TLN2: variants seen among roughly 807,000 people sequenced by gnomAD.
The protein encoded by TLN2 is talin 2.
A neutral mutation model predicts 294.7 loss-of-function variants in TLN2; 118 were observed. The ratio of observed to expected loss-of-function variants is 0.40; its 90% CI spans 0.34 to 0.47. The LOEUF (loss-of-function observed/expected upper bound fraction) is 0.47. Among genes scored for constraint, TLN2 ranks in the 20% least tolerant of loss-of-function variants. The pLI, the probability that TLN2 is intolerant of heterozygous loss-of-function variation, is 0.84. For synonymous variants in TLN2, 1,431 were observed against 1,304.5 expected, an observed-to-expected ratio of 1.10 and a Z score of -2.09; for missense variants, 3,083 against 3,282.2, an observed-to-expected ratio of 0.94 and a Z score of 1.48.
At chr15:62,408,827 C>T (rs909942283) in intron 1 of TLN2, among the ~76,000 whole-genome samples, 2 of 151,608 alleles carry the variant, frequency 1.3e-5, no homozygotes, top group African/African-American at 4.8e-5. Context: ...TCTTCTTTTT[C>T]TTTTTTTTAA....
chr15:62,790,137 A>G (rs1480905215), intron 45 of TLN2, among the ~76,000 whole-genome samples: 1 of 152,244 alleles, frequency 6.6e-6, no homozygotes, highest in African/African-American at 2.4e-5. Flanking sequence ...ACCAAAGCAA[A>G]ACACAGAAAT....
At chr15:62,777,749 C>G (rs2063823079) in intron 43 of TLN2, among the ~76,000 whole-genome samples, 1 of 152,162 alleles carries the variant, frequency 6.6e-6, no homozygotes, top group Non-Finnish European at 1.5e-5. Context: ...ATAGTAAACT[C>G]TTGTAGGCTA....
At position 62,546,202 on chromosome 15, in the gene TLN2, C is replaced by G. The variant is rs117435264; in HGVS notation, c.-237-43485C>G. On this transcript the variant is annotated intron_variant, in intron 1 of 58. Coordinates refer to ENST00000636159, the MANE Select transcript of TLN2 (RefSeq NM_015059.3). The stretch of plus-strand genomic sequence containing the variant: ...ACCTCTGACGGGGGCTCTTTCCTGA[C>G]CTGTTGGTGACAGAAGGAGTTGCTG... 1.6e-3 allele frequency among the ~76,000 whole-genome samples: 248 copies of G among 152,280 alleles called. 4 individuals are homozygous for G. In the East Asian group the frequency reaches 0.025, roughly 15 times the overall value.
intron 19 of TLN2, among the ~76,000 whole-genome samples, chr15:62,703,662 G>C (rs549916445): frequency 1.3e-5 from 2 of 151,862 alleles, no homozygotes; most frequent in African/African-American, 4.8e-5. Context: ...GAGAAAGAGA[G>C]AGAGAATTTC....
At chr15:62,577,671 G>C (rs1266907866) in intron 1 of TLN2, among the ~76,000 whole-genome samples, 1 of 151,978 alleles carries the variant, frequency 6.6e-6, no homozygotes, top group African/African-American at 2.4e-5. Context: ...TGTTTTCTTT[G>C]TTTTGTATAT....
chr15:62,492,670 G>A (rs1056920581), intron 1 of TLN2, among the ~76,000 whole-genome samples: 17 of 150,702 alleles, frequency 1.1e-4, no homozygotes, highest in Non-Finnish European at 1.3e-4. Context: ...TTTTTTCAAC[G>A]CATTTCCCCC....
chr15:62,820,577 G>T lies in TLN2; in HGVS notation c.6969G>T (p.Lys2323Asn). ...AAASIEAAAK[K>N]LEQLKPRAKP... ...CATCCATCGAAGCTGCTGCTAAGAA[G>T]TTAGAGCAACTGAAGCCAAGAGCAA... The change falls in exon 54 of 59, where the codon AAG becomes AAT. Residue 2323 changes from lysine to asparagine, a missense_variant. Transcript: ENST00000636159. 1.9e-6 allele frequency: 3 copies of T among 1,613,856 alleles called. No individual in the cohort carries two copies. In the Admixed American group the frequency reaches 5.0e-5, roughly 27 times the overall value.
intron 1 of TLN2, among the ~76,000 whole-genome samples, chr15:62,404,681 G>A (rs2033273771): frequency 6.6e-6 from 1 of 151,456 alleles, no homozygotes. Context: ...AGTGTAGCCC[G>A]AGGTCATGCA....
chr15:62,529,160 C>A lies in TLN2; in HGVS notation c.-237-60527C>A, dbSNP rs150879847. 2.3e-3 allele frequency among the ~76,000 whole-genome samples: 346 copies of A among 151,916 alleles called. 1 individual carries two copies. Among genetic ancestry groups the A allele is most frequent in the African/African-American group, 8.0e-3 (333 of 41,416 alleles). On this transcript the variant is annotated intron_variant, in intron 1 of 58. Coordinates refer to ENST00000636159, the MANE Select transcript of TLN2 (RefSeq NM_015059.3). Reference sequence around the variant, plus strand: ...CCAGGCTGGAGTGTGGTGGCATGATCATGACTCCCTGCAGCCTCGACTTCC... The same window carrying A: ...CCAGGCTGGAGTGTGGTGGCATGATAATGACTCCCTGCAGCCTCGACTTCC...
At chr15:62,686,559 A>C in intron 11 of TLN2, 82 bp from the exon 12 acceptor site, 2 of 1,490,920 alleles carry the variant, frequency 1.3e-6, no homozygotes, top group Non-Finnish European at 1.8e-6. Context: ...ATGCAGGTGA[A>C]AGGTCAAAAA....
rs147942672 is a variant in TLN2, at chr15:62,554,668, C to T, written c.-237-35019C>T. 6.4e-4 allele frequency among the ~76,000 whole-genome samples: 97 copies of T among 152,130 alleles called. 1 individual carries two copies. Among genetic ancestry groups the T allele is most frequent in the African/African-American group, 2.0e-3 (85 of 41,494 alleles). On this transcript the variant is annotated intron_variant, in intron 1 of 58. Transcript: ENST00000636159. Reference sequence around the variant, plus strand: ...AGTAAGAACTATTTTCTGGAACAAACGGAAAAAGCTGGATAATGCTACTGA... The same window carrying T: ...AGTAAGAACTATTTTCTGGAACAAATGGAAAAAGCTGGATAATGCTACTGA...
intron 39 of TLN2, 37 bp from the exon 40 acceptor site, chr15:62,763,526 C>T (rs775766034): frequency 2.6e-5 from 41 of 1,575,786 alleles, no homozygotes; most frequent in Non-Finnish European, 3.5e-5. Context: ...ACTTGAGCCC[C>T]ATGGAGCCTG....
At chr15:62,722,003 C>T (rs749518113) in intron 25 of TLN2, among the ~76,000 whole-genome samples, 26 of 152,184 alleles carry the variant, frequency 1.7e-4, no homozygotes, top group Non-Finnish European at 2.8e-4. Context: ...TTTGAGTGTA[C>T]GTGAGACTCA....
At chr15:62,747,196 C>T (rs980242572) in intron 32 of TLN2, among the ~76,000 whole-genome samples, 5 of 152,108 alleles carry the variant, frequency 3.3e-5, no homozygotes, top group African/African-American at 1.2e-4. Context: ...CAGCGGCTGT[C>T]CAGGAGGGAC....
rs971694383 is a variant in TLN2, at chr15:62,610,944, A to G, written c.-161-7407A>G. 2.6e-5 allele frequency among the ~76,000 whole-genome samples: 4 copies of G among 152,068 alleles called. 1 individual carries two copies. Among genetic ancestry groups the G allele is most frequent in the Admixed American group, 2.6e-4 (4 of 15,268 alleles). On this transcript the variant is annotated intron_variant, in intron 2 of 58. Transcript: ENST00000636159. Reference sequence around the variant, plus strand: ...ATACTTCAGATTCCAGCTTAACACAATGGGCTTCCTTCTAATTTTTCCCTT... The same window carrying G: ...ATACTTCAGATTCCAGCTTAACACAGTGGGCTTCCTTCTAATTTTTCCCTT...
intron 3 of TLN2, among the ~76,000 whole-genome samples, chr15:62,625,030 GT>G (rs2049157891): frequency 6.6e-6 from 1 of 152,142 alleles, no homozygotes; most frequent in African/African-American, 2.4e-5. Context: ...GAATATTGTT[GT>G]GCTTTCAGGA....
intron 21 of TLN2, among the ~76,000 whole-genome samples, chr15:62,709,557 A>G (rs1462757018): frequency 1.3e-5 from 2 of 152,186 alleles, no homozygotes; most frequent in African/African-American, 4.8e-5. Flanking sequence ...GGGTGTTTTC[A>G]GATTCCAAAG....
intron 14 of TLN2, 124 bp from the exon 15 acceptor site, chr15:62,697,564 A>T: frequency 9.8e-7 from 1 of 1,016,682 alleles, no homozygotes; most frequent in Non-Finnish European, 1.4e-6. Flanking sequence ...CTCAGTCTGT[A>T]TGTGCCTCTT....
intron 1 of TLN2, among the ~76,000 whole-genome samples, chr15:62,447,086 A>G (rs1022714641): frequency 6.6e-6 from 1 of 152,238 alleles, no homozygotes; most frequent in African/African-American, 2.4e-5. Context: ...GCCTTTAATA[A>G]ATTAATCTCC....
Sources: allele counts gnomAD v4.1 joint callset (sites outside exome capture counted in the v4.1 genomes callset), GRCh38; gene constraint gnomAD v4.1.1; transcripts MANE v1.5; gene names NCBI Gene and HGNC (gene_info 2026-07-23, HGNC 2026-07-21).